Variants in COL4A6 observed in about 807,000 individuals in gnomAD.
COL4A6 encodes the protein collagen type IV alpha 6 chain, also known as collagen alpha-6(IV) chain.
Under a neutral mutation model 126.7 loss-of-function variants are expected in COL4A6, and 59 were observed. The ratio of observed to expected loss-of-function variants is 0.47; its 90% CI spans 0.38 to 0.58. The LOEUF is 0.58. Among genes scored for constraint, COL4A6 ranks in the 20% least tolerant of loss-of-function variants. The pLI is 0.00. For synonymous variants in COL4A6, 547 were observed against 496.6 expected (o/e 1.10, Z -1.35); for missense variants, 1,285 against 1,337.3 (o/e 0.96, Z 0.61).
chrX:108,213,517 G>C (rs1180072647), intron 6 of COL4A6, among the ~76,000 whole-genome samples: 1 of 112,259 alleles, frequency 8.9e-6, no homozygotes, highest in Non-Finnish European at 1.9e-5. Context: ...CACAAACTCT[G>C]TTACTATAGA....
intron 2 of COL4A6, among the ~76,000 whole-genome samples, chrX:108,370,742 G>A (rs2040305532): frequency 9.0e-6 from 1 of 111,542 alleles, no homozygotes; most frequent in Non-Finnish European, 1.9e-5. Flanking sequence ...TAAGGCCAGA[G>A]ATTCCTGAAC....
intron 23 of COL4A6, chrX:108,183,673 T>A (rs2034757378): frequency 1.2e-6 from 1 of 852,371 alleles, no homozygotes; most frequent in Admixed American, 5.9e-5. Flanking sequence ...AAAAGGGGTG[T>A]TTAGCTAAGA....
chrX:108,160,742 T>A, intron 42 of COL4A6, 88 bp from the exon 43 acceptor site: 11 of 847,639 alleles, frequency 1.3e-5, no homozygotes, highest in Admixed American at 3.1e-5. Context: ...GTCCAAGGCA[T>A]GTTATACACA....
chrX:108,171,102 A>C (rs1429762368), intron 33 of COL4A6, among the ~76,000 whole-genome samples, 185 bp from the exon 34 acceptor site: 4 of 112,595 alleles, frequency 3.6e-5, no homozygotes, highest in African/African-American at 1.3e-4. Context: ...TAAATTTGTT[A>C]TGAGTATCCC....
chrX:108,281,820 A>G (rs932264383), intron 3 of COL4A6, among the ~76,000 whole-genome samples: 1 of 110,698 alleles, frequency 9.0e-6, no homozygotes, highest in African/African-American at 3.3e-5. Context: ...GGAACACAAC[A>G]GAGCCCTCAG....
chrX:108,394,432 G>A (rs763756810), intron 2 of COL4A6, among the ~76,000 whole-genome samples: 1 of 108,692 alleles, frequency 9.2e-6, no homozygotes, highest in African/African-American at 3.4e-5. Flanking sequence ...AATAATAAAA[G>A]AAAAAGAAAA....
intron 3 of COL4A6, among the ~76,000 whole-genome samples, chrX:108,237,978 T>C (rs1028954659): frequency 1.8e-5 from 2 of 109,390 alleles, no homozygotes; most frequent in African/African-American, 6.7e-5. Flanking sequence ...CTATCATCTG[T>C]CTATCTTCTA....
intron 2 of COL4A6, among the ~76,000 whole-genome samples, chrX:108,350,772 A>AT (rs143895014): frequency 0.3 from 32,586 of 107,211 alleles, 4,220 homozygotes; most frequent in East Asian, 0.64. Flanking sequence ...TCTGTAATTG[A>AT]TTTTTTTTTT....
chrX:108,424,289 A>G (rs948881086), intron 2 of COL4A6, among the ~76,000 whole-genome samples: 4 of 111,608 alleles, frequency 3.6e-5, no homozygotes, highest in Non-Finnish European at 7.5e-5. Context: ...ACATGTTTTA[A>G]TTTATGCTTT....
At chrX:108,357,705 G>A (rs770640944) in intron 2 of COL4A6, among the ~76,000 whole-genome samples, 16 of 110,585 alleles carry the variant, frequency 1.4e-4, no homozygotes, top group Non-Finnish European at 2.8e-4. Flanking sequence ...TTTTGTGTAC[G>A]ATATTACTTT....
At chrX:108,347,007 G>T (rs1339934034) in intron 2 of COL4A6, among the ~76,000 whole-genome samples, 2 of 112,093 alleles carry the variant, frequency 1.8e-5, no homozygotes, top group African/African-American at 6.5e-5. Flanking sequence ...TCATGCATTT[G>T]TATGGTTATC....
At chrX:108,247,071 G>C (rs1217119639) in intron 3 of COL4A6, among the ~76,000 whole-genome samples, 1 of 110,857 alleles carries the variant, frequency 9.0e-6, no homozygotes, top group Non-Finnish European at 1.9e-5. Context: ...CTGTTCCTCT[G>C]TTCCTCCCTT....
chrX:108,357,375 A>G (rs1247683429), intron 2 of COL4A6, among the ~76,000 whole-genome samples: 1 of 111,387 alleles, frequency 9.0e-6, no homozygotes, highest in African/African-American at 3.3e-5. Flanking sequence ...TTGTCAGTAA[A>G]GGCATGAAAT....
intron 2 of COL4A6, among the ~76,000 whole-genome samples, chrX:108,344,325 C>T (rs2039660948): frequency 9.0e-6 from 1 of 111,099 alleles, no homozygotes; most frequent in South Asian, 3.9e-4. Flanking sequence ...CAAAGCAACC[C>T]AGGATCTGTC....
At chrX:108,194,430 C>T in intron 16 of COL4A6, 104 bp downstream of exon 16, 1 of 862,962 alleles carries the variant, frequency 1.2e-6, no homozygotes, top group Non-Finnish European at 1.6e-6. Flanking sequence ...AAAATTGAAA[C>T]TTAAAAGGTC....
chrX:108,294,546 C>T (rs1194873546), intron 3 of COL4A6, among the ~76,000 whole-genome samples: 4 of 109,640 alleles, frequency 3.6e-5, no homozygotes, highest in African/African-American at 1.3e-4. Context: ...AAGAAGGTTA[C>T]AATTGTTCCC....
intron 18 of COL4A6, 136 bp from the exon 19 acceptor site, chrX:108,191,669 A>G (rs1372361773): frequency 1.4e-6 from 1 of 730,143 alleles, no homozygotes; most frequent in Non-Finnish European, 1.9e-6. Flanking sequence ...TATCAGAGTT[A>G]GAAGGATCCT....
intron 3 of COL4A6, among the ~76,000 whole-genome samples, chrX:108,253,509 G>A (rs1436668070): frequency 1.8e-5 from 2 of 111,662 alleles, no homozygotes; most frequent in Non-Finnish European, 3.8e-5. Context: ...TAATATCCTG[G>A]TCTTCTTCTA....
chrX:108,277,803 G>A lies in COL4A6; in HGVS notation c.144+32945C>T, dbSNP rs1313779946. Among the ~76,000 whole-genome samples, 3 of 111,765 alleles carry A rather than the reference G, an allele frequency of 2.7e-5. No homozygotes were observed. The Admixed American group carries it at 2.8e-4, about 11-fold the overall frequency. ...CTCCTCTGAGACAAAACTTCCAGAGGAACGATCAGACAGCAGCATTCGCGG... is the reference window on the plus strand; with the variant it reads ...CTCCTCTGAGACAAAACTTCCAGAGAAACGATCAGACAGCAGCATTCGCGG... On this transcript the variant is annotated intron_variant, in intron 3 of 44. Transcript: ENST00000334504.
Sources: allele counts gnomAD v4.1 joint callset (sites outside exome capture counted in the v4.1 genomes callset), GRCh38; gene constraint gnomAD v4.1.1; transcripts MANE v1.5; gene names NCBI Gene and HGNC (gene_info 2026-07-23, HGNC 2026-07-21).